Variants in NSD2 observed in about 807,000 individuals in gnomAD.
The protein encoded by NSD2 is nuclear receptor binding SET domain protein 2.
Under a neutral mutation model 139.0 loss-of-function variants are expected in NSD2, and 12 were observed. That is an observed-to-expected ratio of 0.09 (90% CI 0.06 to 0.14). The LOEUF is 0.14. Among genes scored for constraint, NSD2 ranks in the 10% least tolerant of loss-of-function variants. The pLI, the probability that NSD2 is intolerant of heterozygous loss-of-function variation, is 1.00. For synonymous variants in NSD2, 669 were observed against 648.7 expected (o/e 1.03, Z -0.48); for missense variants, 1,155 against 1,745.0 (o/e 0.66, Z 6.02).
chr4:1,898,492 G>A lies in NSD2; in HGVS notation c.-29-2134G>A, dbSNP rs571468619. Among the ~76,000 whole-genome samples, 378 of 151,994 alleles carry A rather than the reference G, an allele frequency of 2.5e-3. 8 individuals are homozygous for A. Among genetic ancestry groups the A allele is most frequent in the South Asian group, 6.0e-3 (29 of 4,826 alleles). On this transcript the variant is annotated intron_variant, in intron 1 of 21. Coordinates refer to ENST00000508803, the MANE Select transcript of NSD2 (RefSeq NM_001042424.3). ...ATCCTGGGTAACACGGTGAAACCCCGTCTCTACTAAAAATACAAAAAATTA... is the reference window on the plus strand; with the variant it reads ...ATCCTGGGTAACACGGTGAAACCCCATCTCTACTAAAAATACAAAAAATTA...
intron 5 of NSD2, among the ~76,000 whole-genome samples, chr4:1,921,098 C>T (rs1159375108): frequency 6.6e-6 from 1 of 152,138 alleles, no homozygotes; most frequent in Non-Finnish European, 1.5e-5. Context: ...AAGGGAACTT[C>T]CTAAATCTGT....
intron 1 of NSD2, among the ~76,000 whole-genome samples, chr4:1,876,734 G>C (rs1374973828): frequency 6.6e-6 from 1 of 151,984 alleles, no homozygotes; most frequent in Non-Finnish European, 1.5e-5. Flanking sequence ...GACTACCCTA[G>C]TGGGTGTGTA....
intron 4 of NSD2, among the ~76,000 whole-genome samples, chr4:1,917,673 G>A (rs1346654356): frequency 6.6e-6 from 1 of 152,150 alleles, no homozygotes; most frequent in African/African-American, 2.4e-5. Context: ...CTGACCTCAG[G>A]TGATGTGTCT....
In NSD2 at chr4:1,980,689, C is replaced by T. The variant is rs1467003261; in HGVS notation, c.*1780C>T. 4.3e-6 allele frequency: 1 copy of T among 233,100 alleles called. No individual in the cohort carries two copies. The highest frequency in any genetic ancestry group is 8.5e-6 in the Non-Finnish European group (1 of 118,038). 14.4% of individuals were successfully genotyped at this position (233,100 alleles called of 1,614,324 possible). A position where few individuals can be genotyped will look rare whatever the true frequency, so the allele number is the denominator to read the frequency against. Reference sequence around the variant, plus strand: ...GGCTGGTGGCTGTCCCTTCTCCCATCAGGGTCCCCAGCAAAGTTAACTACA... The same window carrying T: ...GGCTGGTGGCTGTCCCTTCTCCCATTAGGGTCCCCAGCAAAGTTAACTACA... On this transcript the variant is annotated 3_prime_UTR_variant, in exon 22 of 22. Transcript: ENST00000508803.
At chr4:1,887,858 AT>A (rs948296712) in intron 1 of NSD2, among the ~76,000 whole-genome samples, 58 of 152,112 alleles carry the variant, frequency 3.8e-4, no homozygotes, top group African/African-American at 1.3e-3. Flanking sequence ...AATGAACTGT[AT>A]AAAAAGCCTT....
chr4:1,975,131 G>T, intron 19 of NSD2, 127 bp downstream of exon 19: 1 of 1,489,532 alleles, frequency 6.7e-7, no homozygotes. Context: ...AGTCTCTTTT[G>T]GTTTGAATAT....
At chr4:1,882,445 C>CTT in intron 1 of NSD2, among the ~76,000 whole-genome samples, 1 of 152,036 alleles carries the variant, frequency 6.6e-6, no homozygotes, top group African/African-American at 2.4e-5. Context: ...CGGGTGGACA[C>CTT]GAGGTCAGAA....
chr4:1,954,136 C>T (rs1227335940), intron 12 of NSD2, among the ~76,000 whole-genome samples: 1 of 152,108 alleles, frequency 6.6e-6, no homozygotes, highest in Non-Finnish European at 1.5e-5. Context: ...AGGCACGTGC[C>T]ACCATACCTA....
At position 1,981,214 on chromosome 4, in the gene NSD2, G is replaced by GT. The variant is rs1455618131; in HGVS notation, c.*2307dup. The GT allele has an allele frequency of 4.3e-6, 1 of 233,144 alleles. No homozygotes were observed. Among genetic ancestry groups the GT allele is most frequent in the East Asian group, 6.0e-5 (1 of 16,602 alleles). 14.4% of individuals were successfully genotyped at this position (233,144 alleles called of 1,614,324 possible). On this transcript the variant is annotated 3_prime_UTR_variant, in exon 22 of 22. Coordinates refer to ENST00000508803, the MANE Select transcript of NSD2 (RefSeq NM_001042424.3). ...ATGTTTCTCCCCCTTTCCAAAAACT[G>GT]TTAAACTAATGAGCAAGTAACACTA...
chr4:1,909,075 A>T (rs1012709424), intron 3 of NSD2, among the ~76,000 whole-genome samples: 1 of 152,158 alleles, frequency 6.6e-6, no homozygotes, highest in South Asian at 2.1e-4. Flanking sequence ...CCCTAAAAAA[A>T]AAAGAGTTAT....
rs935504497 is a variant in NSD2, at chr4:1,951,494, A to G, written c.2013+291A>G. 9.8e-5 allele frequency among the ~76,000 whole-genome samples: 14 copies of G among 142,322 alleles called. 1 individual carries two copies. The highest frequency in any genetic ancestry group is 3.7e-4 in the African/African-American group (13 of 35,516). The allele number at this position is 142,322 out of a possible 152,430, so 93.4% of individuals were successfully genotyped here. ...CACACACACACACACACACACACAC[A>G]CACACACACACACACACACACACAC... On this transcript the variant is annotated intron_variant, in intron 10 of 21. Coordinates refer to ENST00000508803, the MANE Select transcript of NSD2 (RefSeq NM_001042424.3).
intron 1 of NSD2, among the ~76,000 whole-genome samples, chr4:1,892,546 TC>T (rs1715663097): frequency 6.6e-6 from 1 of 151,952 alleles, no homozygotes; most frequent in Non-Finnish European, 1.5e-5. Flanking sequence ...TCTGTTCCTG[TC>T]CCCCTTAGAA....
intron 9 of NSD2, chr4:1,941,328 T>C (rs1723072378): frequency 9.5e-7 from 1 of 1,053,972 alleles, no homozygotes; most frequent in East Asian, 5.4e-5. Flanking sequence ...GCTTATACTG[T>C]TGTCAGGTAC....
chr4:1,880,577 G>A (rs1375973363), intron 1 of NSD2, among the ~76,000 whole-genome samples: 1 of 149,912 alleles, frequency 6.7e-6, no homozygotes. Flanking sequence ...GTGAGCAAAG[G>A]TCATATCTTT....
At chr4:1,932,987 A>G (rs923519881) in intron 6 of NSD2, among the ~76,000 whole-genome samples, 4 of 152,208 alleles carry the variant, frequency 2.6e-5, no homozygotes, top group African/African-American at 9.6e-5. Context: ...TGGCTGTGCC[A>G]TGTGGTGCCT....
intron 9 of NSD2, chr4:1,947,749 T>C (rs1273230836): frequency 2.9e-6 from 3 of 1,050,516 alleles, no homozygotes; most frequent in Non-Finnish European, 3.4e-6. Flanking sequence ...CATTTCAACA[T>C]GAAAATTATG....
At chr4:1,881,412 G>A (rs959621615) in intron 1 of NSD2, among the ~76,000 whole-genome samples, 1 of 152,152 alleles carries the variant, frequency 6.6e-6, no homozygotes, top group Admixed American at 6.5e-5. Flanking sequence ...ACAGGCGCAC[G>A]CTGCCACGCC....
intron 6 of NSD2, 21 bp downstream of exon 6, chr4:1,930,791 A>C: frequency 6.2e-7 from 1 of 1,607,094 alleles, no homozygotes; most frequent in South Asian, 1.1e-5. Context: ...CATTATGCTG[A>C]TGTCCTCTGC....
chr4:1,876,912 G>C (rs1009582320), intron 1 of NSD2, among the ~76,000 whole-genome samples: 3 of 152,128 alleles, frequency 2.0e-5, no homozygotes, highest in African/African-American at 7.2e-5. Context: ...AAGGCAGGCA[G>C]ATCACCTGAG....
Sources: allele counts gnomAD v4.1 joint callset (sites outside exome capture counted in the v4.1 genomes callset), GRCh38; gene constraint gnomAD v4.1.1; transcripts MANE v1.5; gene names NCBI Gene and HGNC (gene_info 2026-07-23, HGNC 2026-07-21).